The following PIP4K2A variants were observed in gnomAD, a reference collection of about 807,000 sequenced individuals.
PIP4K2A encodes phosphatidylinositol 5-phosphate 4-kinase type-2 alpha.
Under a neutral mutation model 42.9 loss-of-function variants are expected in PIP4K2A, and 14 were observed. The observed-to-expected ratio is 0.33, with a 90% CI of 0.22 to 0.51. The LOEUF is 0.51. Among genes scored for constraint, PIP4K2A ranks in the 20% least tolerant of loss-of-function variants. The pLI, the probability that PIP4K2A is intolerant of heterozygous loss-of-function variation, is 0.97. For synonymous variants in PIP4K2A, 192 were observed against 192.2 expected, an observed-to-expected ratio of 1.00 and a Z score of 0.01; for missense variants, 434 against 519.8, an observed-to-expected ratio of 0.83 and a Z score of 1.61.
At chr10:22,703,447 C>G (rs1833754520) in intron 1 of PIP4K2A, among the ~76,000 whole-genome samples, 1 of 151,994 alleles carries the variant, frequency 6.6e-6, no homozygotes, top group Non-Finnish European at 1.5e-5. Flanking sequence ...GAAAAACATT[C>G]CCGACGAAGA....
chr10:22,613,758 T>C (rs964626436), intron 1 of PIP4K2A, among the ~76,000 whole-genome samples: 1 of 152,146 alleles, frequency 6.6e-6, no homozygotes, highest in Non-Finnish European at 1.5e-5. Context: ...GTGGATGACA[T>C]TCCTCATTCT....
chr10:22,623,036 A>G (rs1838364164), intron 1 of PIP4K2A, among the ~76,000 whole-genome samples: 1 of 152,218 alleles, frequency 6.6e-6, no homozygotes, highest in African/African-American at 2.4e-5. Flanking sequence ...TGGCACAAGC[A>G]TATTACCTAG....
At chr10:22,660,658 A>G (rs1180893963) in intron 1 of PIP4K2A, among the ~76,000 whole-genome samples, 1 of 152,136 alleles carries the variant, frequency 6.6e-6, no homozygotes, top group African/African-American at 2.4e-5. Flanking sequence ...ACCTTGATTC[A>G]GCTTGCTAAT....
intron 2 of PIP4K2A, among the ~76,000 whole-genome samples, chr10:22,609,263 G>C (rs1837979396): frequency 6.6e-6 from 1 of 152,184 alleles, no homozygotes. Flanking sequence ...TTCTAAGATG[G>C]AGTCATTGCT....
At chr10:22,661,342 ATGC>A (rs1245401577) in intron 1 of PIP4K2A, among the ~76,000 whole-genome samples, 1 of 133,502 alleles carries the variant, frequency 7.5e-6, no homozygotes, top group African/African-American at 2.7e-5. Context: ...TGTGAGGATG[ATGC>A]TGCCTTTTTT....
At chr10:22,673,765 T>G (rs1265092239) in intron 1 of PIP4K2A, among the ~76,000 whole-genome samples, 1 of 152,198 alleles carries the variant, frequency 6.6e-6, no homozygotes, top group Non-Finnish European at 1.5e-5. Context: ...ACAAAATGAC[T>G]GACAGTCCTT....
intron 3 of PIP4K2A, among the ~76,000 whole-genome samples, chr10:22,604,004 C>T (rs993135025): frequency 2.6e-4 from 24 of 92,924 alleles, no homozygotes; most frequent in South Asian, 2.4e-3. Flanking sequence ...CACACACGCG[C>T]GCACGCACAC....
rs1347303912 is a variant in PIP4K2A, at chr10:22,636,730, T to G, written c.145-27013A>C. Among the ~76,000 whole-genome samples, 8 of 152,232 alleles carry G rather than the reference T, an allele frequency of 5.3e-5. 1 individual carries two copies. Reference sequence around the variant, plus strand: ...GCGTGTAAATATGTGGACGACTGCATATTAACGGTCCCCGATGAATCACAC... The same window carrying G: ...GCGTGTAAATATGTGGACGACTGCAGATTAACGGTCCCCGATGAATCACAC... On this transcript the variant is annotated intron_variant, in intron 1 of 9. Coordinates refer to ENST00000376573, the MANE Select transcript of PIP4K2A (RefSeq NM_005028.5).
At chr10:22,664,921 A>G (rs2130845257) in intron 1 of PIP4K2A, among the ~76,000 whole-genome samples, 1 of 152,254 alleles carries the variant, frequency 6.6e-6, no homozygotes, top group South Asian at 2.1e-4. Context: ...CCACTCCATG[A>G]AAAGTTTTAT....
intron 1 of PIP4K2A, among the ~76,000 whole-genome samples, chr10:22,615,267 G>T (rs1838149409): frequency 6.6e-6 from 1 of 152,060 alleles, no homozygotes; most frequent in African/African-American, 2.4e-5. Context: ...CACCATGCAT[G>T]GCTAATTTTA....
chr10:22,536,251 A>T lies in PIP4K2A; in HGVS notation c.*950T>A. 2 of 397,116 alleles carry T rather than the reference A, an allele frequency of 5.0e-6. No homozygotes were observed. Among genetic ancestry groups the T allele is most frequent in the Non-Finnish European group, 8.9e-6 (2 of 225,474 alleles). 24.6% of individuals were successfully genotyped at this position (397,116 alleles called of 1,614,324 possible). On this transcript the variant is annotated 3_prime_UTR_variant, in exon 10 of 10. Coordinates refer to ENST00000376573, the MANE Select transcript of PIP4K2A (RefSeq NM_005028.5). ...TTTGATGCTTTGCTGGTTTTCCCAC[A>T]GTGGGAGATGTAGATACCATTGCCC...
intron 3 of PIP4K2A, among the ~76,000 whole-genome samples, chr10:22,594,004 T>C (rs1328242260): frequency 3.3e-5 from 5 of 152,194 alleles, no homozygotes; most frequent in Admixed American, 1.3e-4. Context: ...AAAAGCTGCA[T>C]AGTCAGTGCA....
At chr10:22,706,005 G>A (rs969515132) in intron 1 of PIP4K2A, among the ~76,000 whole-genome samples, 2 of 151,880 alleles carry the variant, frequency 1.3e-5, no homozygotes, top group Non-Finnish European at 2.9e-5. Flanking sequence ...GCAGAAGAAT[G>A]AACACCCAGC....
intron 6 of PIP4K2A, among the ~76,000 whole-genome samples, chr10:22,557,367 T>C (rs1043721965): frequency 7.9e-5 from 12 of 152,252 alleles, no homozygotes; most frequent in African/African-American, 2.7e-4. Flanking sequence ...AGTACTTTTA[T>C]GCTTAAAAAT....
chr10:22,638,481 C>T (rs1381060134), intron 1 of PIP4K2A, among the ~76,000 whole-genome samples: 1 of 152,192 alleles, frequency 6.6e-6, no homozygotes, highest in Non-Finnish European at 1.5e-5. Context: ...TGTCTTAAAG[C>T]ATTCCTATTC....
At chr10:22,557,035 A>T (rs573036025) in intron 6 of PIP4K2A, among the ~76,000 whole-genome samples, 180 of 152,216 alleles carry the variant, frequency 1.2e-3, no homozygotes, top group Admixed American at 3.5e-3. Context: ...TAACCAACAC[A>T]CGCGTAAGGC....
rs1033285324 is a variant in PIP4K2A at position 22,707,908 on chromosome 10, T to C, written c.144+6275A>G. On this transcript the variant is annotated intron_variant, in intron 1 of 9. Coordinates refer to ENST00000376573, the MANE Select transcript of PIP4K2A (RefSeq NM_005028.5). ...TCCTCTGTATTTTCATTTATTCCTT[T>C]AAAAGCCTCATTCTGAGGAGTCTAT... is the stretch of plus-strand genomic sequence containing the variant. Among the ~76,000 whole-genome samples, 98 of 152,306 alleles carry C rather than the reference T, an allele frequency of 6.4e-4. 1 individual carries two copies. The highest frequency in any genetic ancestry group is 2.4e-3 in the African/African-American group (98 of 41,562).
At chr10:22,662,273 T>C (rs1045104512) in intron 1 of PIP4K2A, among the ~76,000 whole-genome samples, 1 of 152,252 alleles carries the variant, frequency 6.6e-6, no homozygotes, top group Non-Finnish European at 1.5e-5. Context: ...TTCCATCACT[T>C]ACATCTATCT....
In PIP4K2A at chr10:22,659,251, C is replaced by T. The variant is rs188762278; in HGVS notation, c.145-49534G>A. Among the ~76,000 whole-genome samples, 61 of 152,316 alleles carry T rather than the reference C, an allele frequency of 4.0e-4. No individual in the cohort carries two copies. In the East Asian group the frequency reaches 0.011, roughly 26 times the overall value. ...CATACCACTGAATATACTCATAACA[C>T]GTCTTTATGGCCACAAAAGGATTCA... On this transcript the variant is annotated intron_variant, in intron 1 of 9. Transcript: ENST00000376573.
Sources: allele counts gnomAD v4.1 joint callset (sites outside exome capture counted in the v4.1 genomes callset), GRCh38; gene constraint gnomAD v4.1.1; transcripts MANE v1.5; gene names NCBI Gene and HGNC (gene_info 2026-07-23, HGNC 2026-07-21).